The following IL1RAPL1 variants were observed in gnomAD, a reference collection of about 807,000 sequenced individuals.
The protein encoded by IL1RAPL1 is interleukin 1 receptor accessory protein like 1.
A neutral mutation model predicts 48.4 loss-of-function variants in IL1RAPL1; 3 were observed. The observed-to-expected ratio is 0.06, with a 90% CI of 0.03 to 0.16. IL1RAPL1 has a LOEUF of 0.16. IL1RAPL1 is among the 10% of genes least tolerant of loss of function. IL1RAPL1 has a pLI of 1.00. For synonymous variants in IL1RAPL1, 185 were observed against 187.7 expected (o/e 0.99, Z 0.12); for missense variants, 349 against 530.6 (o/e 0.66, Z 3.36).
intron 2 of IL1RAPL1, among the ~76,000 whole-genome samples, chrX:29,128,100 C>CT (rs1343430733): frequency 1.8e-5 from 2 of 111,181 alleles, no homozygotes; most frequent in Non-Finnish European, 3.8e-5. Flanking sequence ...CCACAAATTA[C>CT]TTATTAGTTG....
chrX:28,947,873 G>A (rs1236438794), intron 2 of IL1RAPL1, among the ~76,000 whole-genome samples: 1 of 111,426 alleles, frequency 9.0e-6, no homozygotes, highest in African/African-American at 3.3e-5. Flanking sequence ...GAGAAATGTA[G>A]CACTTATGCT....
intron 2 of IL1RAPL1, among the ~76,000 whole-genome samples, chrX:29,032,476 A>G (rs894934045): frequency 1.8e-5 from 2 of 111,867 alleles, no homozygotes; most frequent in Non-Finnish European, 3.8e-5. Flanking sequence ...TATGATTCAT[A>G]TATCATACAA....
chrX:28,604,434 A>C (rs1275031257), intron 1 of IL1RAPL1, among the ~76,000 whole-genome samples: 1 of 111,664 alleles, frequency 9.0e-6, no homozygotes, highest in African/African-American at 3.3e-5. Context: ...AAAAAGTAAA[A>C]ATTGTATTTG....
chrX:29,474,665 G>T (rs1336173122), intron 5 of IL1RAPL1, among the ~76,000 whole-genome samples: 1 of 111,333 alleles, frequency 9.0e-6, no homozygotes, highest in Non-Finnish European at 1.9e-5. Context: ...AGAAGGGAGA[G>T]GTCCCAGACT....
At chrX:29,255,138 T>TGCGC (rs1402445676) in intron 2 of IL1RAPL1, among the ~76,000 whole-genome samples, 2 of 94,992 alleles carry the variant, frequency 2.1e-5, no homozygotes, top group East Asian at 7.9e-4. Context: ...TGTGTGTGTG[T>TGCGC]GTGCGTGTGT....
At chrX:29,570,963 T>A (rs1922573023) in intron 5 of IL1RAPL1, among the ~76,000 whole-genome samples, 1 of 112,640 alleles carries the variant, frequency 8.9e-6, no homozygotes, top group Non-Finnish European at 1.9e-5. Context: ...GGCTCACGCC[T>A]GTAATCCCAG....
chrX:29,825,690 T>C (rs1930721357), intron 6 of IL1RAPL1, among the ~76,000 whole-genome samples: 1 of 112,054 alleles, frequency 8.9e-6, no homozygotes, highest in African/African-American at 3.2e-5. Context: ...ATCACAACTA[T>C]TCAATGGTAC....
chrX:28,900,044 A>C (rs921989676), intron 2 of IL1RAPL1, among the ~76,000 whole-genome samples: 1 of 112,125 alleles, frequency 8.9e-6, no homozygotes, highest in African/African-American at 3.2e-5. Flanking sequence ...ACTGTGTTTC[A>C]TATTTAGCAA....
intron 5 of IL1RAPL1, among the ~76,000 whole-genome samples, chrX:29,469,245 T>C (rs1346672265): frequency 1.8e-5 from 2 of 112,132 alleles, no homozygotes; most frequent in East Asian, 5.6e-4. Context: ...ACCTTAGCAG[T>C]TTAGCAAAAT....
chrX:28,593,821 G>C (rs1330843352), intron 1 of IL1RAPL1, among the ~76,000 whole-genome samples: 1 of 110,960 alleles, frequency 9.0e-6, no homozygotes, highest in Non-Finnish European at 1.9e-5. Flanking sequence ...CGATGTTTTA[G>C]ATTAATATGT....
intron 1 of IL1RAPL1, among the ~76,000 whole-genome samples, chrX:28,706,503 C>T (rs937656761): frequency 9.3e-6 from 1 of 107,859 alleles, no homozygotes; most frequent in Non-Finnish European, 1.9e-5. Flanking sequence ...ACCTCTGCTT[C>T]GCGGGTTCAA....
At chrX:29,029,825 C>T (rs975203700) in intron 2 of IL1RAPL1, among the ~76,000 whole-genome samples, 1 of 111,576 alleles carries the variant, frequency 9.0e-6, no homozygotes, top group Non-Finnish European at 1.9e-5. Context: ...AACCTAAGGT[C>T]ACCTAGATTT....
intron 2 of IL1RAPL1, among the ~76,000 whole-genome samples, chrX:28,931,094 T>G (rs1423320139): frequency 8.9e-6 from 1 of 111,848 alleles, no homozygotes; most frequent in East Asian, 2.8e-4. Flanking sequence ...GTATTTTAAC[T>G]ACTTAGATTG....
chrX:28,983,852 A>G (rs1371491225), intron 2 of IL1RAPL1, among the ~76,000 whole-genome samples: 1 of 111,918 alleles, frequency 8.9e-6, no homozygotes, highest in Non-Finnish European at 1.9e-5. Context: ...ATGTCACAAA[A>G]ATCTTTCTGA....
chrX:29,563,764 T>C (rs1383115342), intron 5 of IL1RAPL1, among the ~76,000 whole-genome samples: 1 of 112,153 alleles, frequency 8.9e-6, no homozygotes, highest in Non-Finnish European at 1.9e-5. Flanking sequence ...AGAGTTATTA[T>C]CAACTTACTT....
intron 1 of IL1RAPL1, among the ~76,000 whole-genome samples, chrX:28,770,332 A>G (rs1936295184): frequency 9.0e-6 from 1 of 111,195 alleles, no homozygotes; most frequent in South Asian, 3.9e-4. Flanking sequence ...ATGGCTTTAA[A>G]AGAGGCCTGT....
At chrX:29,025,347 A>G (rs1926461528) in intron 2 of IL1RAPL1, among the ~76,000 whole-genome samples, 1 of 111,406 alleles carries the variant, frequency 9.0e-6, no homozygotes, top group Admixed American at 9.6e-5. Context: ...AGCCTTGATT[A>G]TGTTTTACTT....
intron 2 of IL1RAPL1, among the ~76,000 whole-genome samples, chrX:29,263,867 C>A (rs368279452): frequency 8.0e-5 from 8 of 99,690 alleles, no homozygotes; most frequent in Non-Finnish European, 1.2e-4. Flanking sequence ...CTCTCCCCCC[C>A]CCCCGCTCTC....
intron 5 of IL1RAPL1, among the ~76,000 whole-genome samples, chrX:29,527,549 T>A (rs938555347): frequency 6.4e-5 from 7 of 109,003 alleles, no homozygotes; most frequent in Non-Finnish European, 1.1e-4. Context: ...ATGGTCTCGA[T>A]CTCCTGACCT....
Sources: allele counts gnomAD v4.1 joint callset (sites outside exome capture counted in the v4.1 genomes callset), GRCh38; gene constraint gnomAD v4.1.1; transcripts MANE v1.5; gene names NCBI Gene and HGNC (gene_info 2026-07-23, HGNC 2026-07-21).